STK32B: variants seen among roughly 807,000 people sequenced by gnomAD.
STK32B encodes the protein serine/threonine-protein kinase 32B.
Under a neutral mutation model 52.6 loss-of-function variants are expected in STK32B, and 43 were observed. The observed-to-expected ratio is 0.82, with a 90% CI of 0.64 to 1.05. The LOEUF (loss-of-function observed/expected upper bound fraction) is 1.05, where lower values mean the gene tolerates loss of function less well. Ranked by LOEUF, STK32B falls within the 50% of genes least tolerant of loss-of-function variation. The pLI, the probability that STK32B is intolerant of heterozygous loss-of-function variation, is 0.00. For synonymous variants in STK32B, 238 were observed against 204.3 expected, an observed-to-expected ratio of 1.17 and a Z score of -1.41; for missense variants, 621 against 534.6, an observed-to-expected ratio of 1.16 and a Z score of -1.59.
At chr4:5,486,001 C>G (rs187595538) in intron 11 of STK32B, among the ~76,000 whole-genome samples, 102 of 152,272 alleles carry the variant, frequency 6.7e-4, no homozygotes, top group East Asian at 4.1e-3. Context: ...GCCCCTACTG[C>G]GGGGTGCCTC....
intron 1 of STK32B, among the ~76,000 whole-genome samples, chr4:5,108,418 C>T (rs994439123): frequency 6.6e-6 from 1 of 152,018 alleles, no homozygotes; most frequent in African/African-American, 2.4e-5. Flanking sequence ...TCTTGGTTGG[C>T]GCTGTTAAAT....
At chr4:5,314,214 G>C (rs185506164) in intron 3 of STK32B, among the ~76,000 whole-genome samples, 1 of 152,240 alleles carries the variant, frequency 6.6e-6, no homozygotes, top group African/African-American at 2.4e-5. Flanking sequence ...CATAGGAACA[G>C]ACACATAGAT....
chr4:5,239,806 C>T (rs182896986), intron 3 of STK32B, among the ~76,000 whole-genome samples: 27 of 151,598 alleles, frequency 1.8e-4, no homozygotes, highest in African/African-American at 6.5e-4. Context: ...AAAATCTGGT[C>T]CCTGGTCTCC....
intron 1 of STK32B, among the ~76,000 whole-genome samples, chr4:5,059,568 A>C (rs1354008946): frequency 1.3e-5 from 2 of 152,232 alleles, no homozygotes; most frequent in Non-Finnish European, 2.9e-5. Flanking sequence ...CCACTTCATC[A>C]TGATGTGATA....
chr4:5,392,558 AC>A (rs1238571330), intron 4 of STK32B, among the ~76,000 whole-genome samples: 1 of 152,000 alleles, frequency 6.6e-6, no homozygotes, highest in African/African-American at 2.4e-5. Context: ...TCATTTCCCC[AC>A]CCACAGAGAG....
intron 4 of STK32B, among the ~76,000 whole-genome samples, chr4:5,367,140 C>T (rs1734930070): frequency 1.3e-5 from 2 of 152,076 alleles, no homozygotes; most frequent in Admixed American, 1.3e-4. Flanking sequence ...CACATTTCCC[C>T]CTAGAACTAA....
intron 7 of STK32B, among the ~76,000 whole-genome samples, chr4:5,450,541 C>A (rs575385258): frequency 2.6e-5 from 4 of 152,304 alleles, no homozygotes; most frequent in South Asian, 4.1e-4. Context: ...TCGAAAGCTG[C>A]TTCCTTATAA....
At chr4:5,019,519 C>G in the STK32B span, 1 of 1,367,414 alleles carries the variant, frequency 7.3e-7, no homozygotes, top group Non-Finnish European at 9.4e-7. Context: ...CGGCTCCACG[C>G]CTCCACTTCC....
At chr4:5,311,836 G>A (rs955336819) in intron 3 of STK32B, among the ~76,000 whole-genome samples, 2 of 151,714 alleles carry the variant, frequency 1.3e-5, no homozygotes, top group Non-Finnish European at 2.9e-5. Flanking sequence ...TCTATCAAAC[G>A]TTTGAGGAAG....
At chr4:5,417,010 C>G (rs559755785) in intron 6 of STK32B, 76 bp downstream of exon 6, 5 of 1,339,254 alleles carry the variant, frequency 3.7e-6, no homozygotes, top group Non-Finnish European at 5.2e-6. Flanking sequence ...CTTGTTTCAT[C>G]TGCCACTGCC....
chr4:5,221,406 G>A (rs1723530335), intron 3 of STK32B, among the ~76,000 whole-genome samples: 1 of 152,176 alleles, frequency 6.6e-6, no homozygotes, highest in South Asian at 2.1e-4. Context: ...GGAAGAGATG[G>A]ACTCCTAGAT....
chr4:5,073,485 GTTA>G (rs1188312121), intron 1 of STK32B, among the ~76,000 whole-genome samples: 2 of 151,732 alleles, frequency 1.3e-5, no homozygotes, highest in African/African-American at 4.8e-5. Flanking sequence ...CATGGTATGT[GTTA>G]TTATTTTTTC....
intron 5 of STK32B, among the ~76,000 whole-genome samples, chr4:5,413,399 T>G (rs1337198382): frequency 6.6e-6 from 1 of 152,184 alleles, no homozygotes; most frequent in Middle Eastern, 3.2e-3. Flanking sequence ...ACCATTTCTC[T>G]GCTATACTTG....
intron 2 of STK32B, 72 bp from the exon 3 acceptor site, chr4:5,168,227 G>C (rs918188549): frequency 1.3e-6 from 2 of 1,541,784 alleles, no homozygotes; most frequent in South Asian, 1.3e-5. Flanking sequence ...AATGCAGTGC[G>C]GGGTGACATT....
At chr4:5,358,742 G>A (rs1734343401) in intron 4 of STK32B, among the ~76,000 whole-genome samples, 1 of 151,836 alleles carries the variant, frequency 6.6e-6, no homozygotes, top group Admixed American at 6.6e-5. Context: ...AAGGCACACA[G>A]TTGCATATAT....
intron 3 of STK32B, among the ~76,000 whole-genome samples, chr4:5,173,436 C>T: frequency 6.6e-6 from 1 of 151,972 alleles, no homozygotes; most frequent in Non-Finnish European, 1.5e-5. Flanking sequence ...CTCTTGTGGG[C>T]ATTTAGTGCT....
In STK32B at chr4:5,218,260, A is replaced by G. The variant is rs988638047; in HGVS notation, c.260+49810A>G. ...GCAAAGAATCTTGCGGCCATCTTTC[A>G]TCCACCAAGCTGATTTGTAGTTTTA... is the stretch of plus-strand genomic sequence containing the variant. On this transcript the variant is annotated intron_variant, in intron 3 of 11. Transcript: ENST00000282908. Among the ~76,000 whole-genome samples, 12 of 152,294 alleles carry G rather than the reference A, an allele frequency of 7.9e-5. No individual in the cohort carries two copies. In the Middle Eastern group the frequency reaches 0.014, roughly 173 times the overall value.
At chr4:5,425,817 A>G (rs1264720760) in intron 6 of STK32B, among the ~76,000 whole-genome samples, 1 of 152,196 alleles carries the variant, frequency 6.6e-6, no homozygotes, top group East Asian at 1.9e-4. Flanking sequence ...GCAACCAGCA[A>G]TTGATTTTCT....
intron 3 of STK32B, among the ~76,000 whole-genome samples, chr4:5,201,585 A>G (rs1269520306): frequency 6.6e-6 from 1 of 152,208 alleles, no homozygotes; most frequent in Non-Finnish European, 1.5e-5. Flanking sequence ...TTGTTCTCAC[A>G]CTGCTATAAG....
Sources: allele counts gnomAD v4.1 joint callset (sites outside exome capture counted in the v4.1 genomes callset), GRCh38; gene constraint gnomAD v4.1.1; transcripts MANE v1.5; gene names NCBI Gene and HGNC (gene_info 2026-07-23, HGNC 2026-07-21).